Variants in HCRTR2 observed in about 807,000 individuals in gnomAD.
HCRTR2 encodes orexin receptor type 2.
In HCRTR2, 22 loss-of-function variants were observed where a neutral mutation model predicts 49.0. That is an observed-to-expected ratio of 0.45 (90% CI 0.32 to 0.64). HCRTR2 has a LOEUF of 0.64. Ranked by LOEUF, HCRTR2 falls within the 30% of genes least tolerant of loss-of-function variation. HCRTR2 has a pLI of 0.04. For missense variants in HCRTR2, 491 were observed against 559.4 expected (o/e 0.88, Z 1.23); for synonymous variants, 236 against 205.3 (o/e 1.15, Z -1.28).
chr6:55,125,464 G>T (rs984563493), intron 1 of HCRTR2, among the ~76,000 whole-genome samples: 1 of 152,192 alleles, frequency 6.6e-6, no homozygotes, highest in African/African-American at 2.4e-5. Context: ...GGCTTGTAGG[G>T]TTTCTGCAGG....
At chr6:55,137,423 GA>G (rs1212157637) in intron 1 of HCRTR2, among the ~76,000 whole-genome samples, 1 of 152,052 alleles carries the variant, frequency 6.6e-6, no homozygotes, top group African/African-American at 2.4e-5. Flanking sequence ...AAAAAAGAGA[GA>G]AAAAATAAAT....
intron 3 of HCRTR2, among the ~76,000 whole-genome samples, chr6:55,255,661 T>C (rs1215240046): frequency 6.6e-6 from 1 of 152,184 alleles, no homozygotes; most frequent in Non-Finnish European, 1.5e-5. Flanking sequence ...ATTATTTTAG[T>C]TTTTCTTAAA....
chr6:55,129,221 C>T (rs1234883415), intron 1 of HCRTR2, among the ~76,000 whole-genome samples: 2 of 152,086 alleles, frequency 1.3e-5, no homozygotes, highest in African/African-American at 2.4e-5. Context: ...AAACCTTGTT[C>T]TAAGTTTTCT....
chr6:55,169,698 T>G (rs1189543370), upstream of HCRTR2, among the ~76,000 whole-genome samples: 1 of 152,130 alleles, frequency 6.6e-6, no homozygotes, highest in African/African-American at 2.4e-5. Context: ...TTACCAACAG[T>G]GCTCAGACTT....
At chr6:55,271,250 T>C (rs1581869919) in intron 4 of HCRTR2, among the ~76,000 whole-genome samples, 1 of 152,142 alleles carries the variant, frequency 6.6e-6, no homozygotes, top group Non-Finnish European at 1.5e-5. Flanking sequence ...ATATTTATGA[T>C]TAATTGAGTA....
At chr6:55,180,483 A>AT (rs1765112569) in intron 1 of HCRTR2, among the ~76,000 whole-genome samples, 2 of 152,216 alleles carry the variant, frequency 1.3e-5, no homozygotes, top group Admixed American at 6.5e-5. Context: ...AGCTCATTTG[A>AT]TAAGCCAATC....
At chr6:55,162,484 C>T (rs569293631) in intron 1 of HCRTR2, among the ~76,000 whole-genome samples, 60 of 152,210 alleles carry the variant, frequency 3.9e-4, no homozygotes, top group Non-Finnish European at 7.5e-4. Flanking sequence ...GAAGTTCTGG[C>T]CAGGGCAATC....
chr6:55,282,172 TG>T, intron 6 of HCRTR2, 52 bp from the exon 7 acceptor site: 3 of 1,281,148 alleles, frequency 2.3e-6, no homozygotes, highest in Non-Finnish European at 3.4e-6. Context: ...ATTCATAATT[TG>T]TTGAAGCATT....
At chr6:55,275,781 T>G (rs560362094) in intron 4 of HCRTR2, among the ~76,000 whole-genome samples, 1 of 152,232 alleles carries the variant, frequency 6.6e-6, no homozygotes, top group African/African-American at 2.4e-5. Context: ...CAGCTAATTT[T>G]GTATTTTTAG....
At chr6:55,198,061 A>T (rs1765449576) in intron 1 of HCRTR2, among the ~76,000 whole-genome samples, 1 of 152,192 alleles carries the variant, frequency 6.6e-6, no homozygotes, top group African/African-American at 2.4e-5. Flanking sequence ...ACCCAACCCC[A>T]AAAGTAAATC....
chr6:55,134,271 C>A (rs779684071), intron 1 of HCRTR2, among the ~76,000 whole-genome samples: 28 of 151,644 alleles, frequency 1.8e-4, no homozygotes, highest in Admixed American at 9.9e-4. Flanking sequence ...CTATCAAAAT[C>A]TTTTCAAGCA....
chr6:55,232,876 C>T lies in HCRTR2; in HGVS notation c.224-15763C>T, dbSNP rs181073019. 2.6e-5 allele frequency among the ~76,000 whole-genome samples: 4 copies of T among 152,232 alleles called. No individual in the cohort carries two copies. The East Asian group carries it at 7.7e-4, about 29-fold the overall frequency. On this transcript the variant is annotated intron_variant, in intron 1 of 6. Transcript: ENST00000370862. Reference sequence around the variant, plus strand: ...GGTGAAGTCTGAGATAGATTTTTAACTCCGAAGTGCATAAACTTTACCTCT... The same window carrying T: ...GGTGAAGTCTGAGATAGATTTTTAATTCCGAAGTGCATAAACTTTACCTCT...
intron 1 of HCRTR2, among the ~76,000 whole-genome samples, chr6:55,115,531 C>T: frequency 1.3e-5 from 2 of 150,800 alleles, no homozygotes; most frequent in East Asian, 3.9e-4. Flanking sequence ...AGTAGTAGTA[C>T]TAGCAGTAGT....
intron 1 of HCRTR2, among the ~76,000 whole-genome samples, chr6:55,124,815 T>C (rs1764250346): frequency 6.6e-6 from 1 of 152,182 alleles, no homozygotes; most frequent in East Asian, 1.9e-4. Context: ...CATATATATT[T>C]AGGATAGCTG....
rs2998996 is a variant in HCRTR2, at chr6:55,219,451, G to A, written c.224-29188G>A. On this transcript the variant is annotated intron_variant, in intron 1 of 6. Coordinates refer to ENST00000370862, the MANE Select transcript of HCRTR2 (RefSeq NM_001384272.1). The stretch of plus-strand genomic sequence containing the variant: ...ACAATAAATTCTTGAACAGTCCATG[G>A]GTCAAAGAAGAAATTATAAGGGATA... Among the ~76,000 whole-genome samples the A allele has an allele frequency of 1.4e-3, 219 of 152,046 alleles. 1 individual carries two copies. The highest frequency in any genetic ancestry group is 4.8e-3 in the African/African-American group (200 of 41,464).
Position 55,180,965 on chromosome 6 carries a change from A to ATTTT in HCRTR2, c.223+6167_223+6170dup, listed in dbSNP as rs11441768. 5.2e-3 allele frequency among the ~76,000 whole-genome samples: 720 copies of ATTTT among 139,352 alleles called. 9 individuals carry two copies. Among genetic ancestry groups the ATTTT allele is most frequent in the Middle Eastern group, 0.033 (9 of 272 alleles). 91.4% of individuals were successfully genotyped at this position (139,352 alleles called of 152,430 possible). ...CAGGCACATGCCACCATGCCCAGCT[A>ATTTT]TTTTTTTTTTTTTTTGTATTTTTAG... On this transcript the variant is annotated intron_variant, in intron 1 of 6. Coordinates refer to ENST00000370862, the MANE Select transcript of HCRTR2 (RefSeq NM_001384272.1).
chr6:55,145,664 C>T (rs1764571651), intron 1 of HCRTR2, among the ~76,000 whole-genome samples: 1 of 152,168 alleles, frequency 6.6e-6, no homozygotes, highest in East Asian at 1.9e-4. Context: ...ATCTGCCCGC[C>T]TTGGCCTCCG....
At chr6:55,211,060 AC>A (rs1765687988) in intron 1 of HCRTR2, among the ~76,000 whole-genome samples, 1 of 152,120 alleles carries the variant, frequency 6.6e-6, no homozygotes, top group Non-Finnish European at 1.5e-5. Context: ...AGTGTTCAGT[AC>A]AGTTACATGC....
At chr6:55,147,849 T>C (rs933188844) in intron 1 of HCRTR2, among the ~76,000 whole-genome samples, 2 of 152,158 alleles carry the variant, frequency 1.3e-5, no homozygotes, top group African/African-American at 4.8e-5. Flanking sequence ...GAAATTATGA[T>C]GGGAGGTAGA....
Sources: gnomAD v4.1 joint callset for allele counts (sites outside exome capture counted in the v4.1 genomes callset) on GRCh38, gnomAD v4.1.1 for gene constraint, MANE v1.5 for transcripts, NCBI Gene and HGNC (gene_info 2026-07-23, HGNC 2026-07-21) for gene names.